PCDH15: variants seen among roughly 807,000 people sequenced by gnomAD.
PCDH15 encodes protocadherin-15.
A neutral mutation model predicts 178.5 loss-of-function variants in PCDH15; 129 were observed. The observed-to-expected ratio is 0.72, with a 90% CI of 0.63 to 0.84. PCDH15 has a LOEUF of 0.84. Ranked by LOEUF, PCDH15 falls within the 40% of genes least tolerant of loss-of-function variation. PCDH15 has a pLI of 0.00. For synonymous variants in PCDH15, 800 were observed against 732.0 expected, an observed-to-expected ratio of 1.09 and a Z score of -1.50; for missense variants, 2,230 against 2,099.9, an observed-to-expected ratio of 1.06 and a Z score of -1.21.
intron 6 of PCDH15, among the ~76,000 whole-genome samples, chr10:54,343,409 C>T (rs1398661861): frequency 6.6e-6 from 1 of 152,042 alleles, no homozygotes; most frequent in Admixed American, 6.6e-5. Flanking sequence ...TTGTAAGTTT[C>T]CTGAGGCCTT....
At chr10:55,342,712 T>C (rs1051548468) in intron 2 of PCDH15, among the ~76,000 whole-genome samples, 1 of 152,122 alleles carries the variant, frequency 6.6e-6, no homozygotes, top group Non-Finnish European at 1.5e-5. Flanking sequence ...TATGATGGAC[T>C]CCTTAACAAA....
intron 18 of PCDH15, among the ~76,000 whole-genome samples, chr10:54,048,334 T>G (rs2093697492): frequency 1.3e-5 from 2 of 152,174 alleles, no homozygotes; most frequent in Admixed American, 1.3e-4. Context: ...TTAGCAAATA[T>G]TTTCTCCCAT....
chr10:54,586,041 C>T (rs1431152724), intron 2 of PCDH15, among the ~76,000 whole-genome samples: 1 of 152,012 alleles, frequency 6.6e-6, no homozygotes, highest in Non-Finnish European at 1.5e-5. Flanking sequence ...AAATTACTCC[C>T]AGTATTTTCC....
chr10:54,851,146 T>G (rs941576548), intron 3 of PCDH15, among the ~76,000 whole-genome samples: 4 of 152,090 alleles, frequency 2.6e-5, no homozygotes, highest in African/African-American at 9.7e-5. Context: ...GGATCAAAAA[T>G]TAAGTAGGCC....
At chr10:55,168,652 T>C (rs1404907010) in intron 1 of PCDH15, among the ~76,000 whole-genome samples, 1 of 152,196 alleles carries the variant, frequency 6.6e-6, no homozygotes, top group African/African-American at 2.4e-5. Context: ...TCATTACACA[T>C]TTCATAAAAT....
chr10:53,853,352 G>T (rs1228618381), intron 28 of PCDH15, among the ~76,000 whole-genome samples: 1 of 151,946 alleles, frequency 6.6e-6, no homozygotes, highest in Non-Finnish European at 1.5e-5. Context: ...TTGTAACACT[G>T]GATTTGACAA....
At chr10:54,130,663 C>T (rs1172625470) in intron 15 of PCDH15, among the ~76,000 whole-genome samples, 4 of 152,234 alleles carry the variant, frequency 2.6e-5, no homozygotes, top group Admixed American at 2.0e-4. Flanking sequence ...TGAAAAGAAA[C>T]GACTTTGATC....
chr10:53,944,740 G>A (rs1337251267), intron 23 of PCDH15, among the ~76,000 whole-genome samples: 1 of 152,156 alleles, frequency 6.6e-6, no homozygotes, highest in Non-Finnish European at 1.5e-5. Flanking sequence ...CCAACTAGAT[G>A]GCCATTTTCC....
chr10:54,281,227 A>C (rs533154023), intron 8 of PCDH15, among the ~76,000 whole-genome samples: 1 of 152,082 alleles, frequency 6.6e-6, no homozygotes, highest in South Asian at 2.1e-4. Context: ...TTATCTTGGC[A>C]ACGAACTTAT....
intron 3 of PCDH15, among the ~76,000 whole-genome samples, chr10:54,397,649 A>AACATATATTCAC (rs1453517656): frequency 1.3e-5 from 2 of 152,060 alleles, no homozygotes; most frequent in Non-Finnish European, 2.9e-5. Context: ...ATATGTTTCC[A>AACATATATTCAC]ACAACATTGT....
At chr10:54,853,322 TAC>T (rs1401560628) in intron 3 of PCDH15, among the ~76,000 whole-genome samples, 25 of 108,912 alleles carry the variant, frequency 2.3e-4, no homozygotes, top group Admixed American at 1.3e-3. Flanking sequence ...TATATATACA[TAC>T]ACACACATAT....
chr10:54,529,570 C>T (rs1304953998), intron 2 of PCDH15, among the ~76,000 whole-genome samples: 1 of 152,048 alleles, frequency 6.6e-6, no homozygotes, highest in Non-Finnish European at 1.5e-5. Context: ...GAGAATTAAG[C>T]AACCTGTCCT....
rs575306103 is a variant in PCDH15, at chr10:55,343,445, A to G, written c.-155-176794T>C. On this transcript the variant is annotated intron_variant, in intron 2 of 5. Coordinates refer to the PCDH15 transcript ENST00000613346. ...TTCTATTCTCTGCCCTCTACCAAAT[A>G]TCTTTCTCTCTTTACTCAGGCTTCT... Among the ~76,000 whole-genome samples the G allele has an allele frequency of 8.5e-5, 13 of 152,164 alleles. No homozygotes were observed. The South Asian group carries it at 1.9e-3, about 22-fold the overall frequency.
rs544392338 is a variant in PCDH15 at position 54,643,786 on chromosome 10, T to G, written c.91+20386A>C. ...TCAGTTATTTTCTTTTTTTTTTTTT[T>G]GGCTTAGCTCTGGTTCATTTTTTTT... is the stretch of plus-strand genomic sequence containing the variant. On this transcript the variant is annotated intron_variant, in intron 2 of 37. Coordinates refer to ENST00000644397, the MANE Select transcript of PCDH15 (RefSeq NM_001384140.1). 5.0e-4 allele frequency among the ~76,000 whole-genome samples: 74 copies of G among 147,186 alleles called. 1 individual carries two copies. The East Asian group carries it at 0.014, about 27-fold the overall frequency.
chr10:54,467,837 A>T (rs922513868), intron 3 of PCDH15, among the ~76,000 whole-genome samples: 3 of 151,584 alleles, frequency 2.0e-5, no homozygotes, highest in African/African-American at 7.3e-5. Flanking sequence ...TGTTGATGTA[A>T]TCTTATTACT....
At chr10:55,366,587 A>C (rs902232159) in intron 2 of PCDH15, among the ~76,000 whole-genome samples, 1 of 152,164 alleles carries the variant, frequency 6.6e-6, no homozygotes, top group Non-Finnish European at 1.5e-5. Flanking sequence ...CTTATAAGCT[A>C]ACTATAGTAG....
intron 2 of PCDH15, among the ~76,000 whole-genome samples, chr10:55,385,483 C>G (rs1837632717): frequency 1.3e-5 from 2 of 151,578 alleles, no homozygotes; most frequent in South Asian, 4.2e-4. Context: ...CCATCAATAC[C>G]CAAAATCATT....
At chr10:53,815,421 TA>T (rs2076026704) in intron 35 of PCDH15, among the ~76,000 whole-genome samples, 1 of 152,194 alleles carries the variant, frequency 6.6e-6, no homozygotes, top group Non-Finnish European at 1.5e-5. Flanking sequence ...AGGTCTTGCA[TA>T]AAGTCATTGG....
intron 2 of PCDH15, among the ~76,000 whole-genome samples, chr10:54,899,728 G>A (rs960956310): frequency 5.3e-5 from 8 of 151,928 alleles, no homozygotes; most frequent in Non-Finnish European, 1.2e-4. Flanking sequence ...AACTTCTGAC[G>A]TTGTGATCCG....
Sources: allele counts gnomAD v4.1 joint callset (sites outside exome capture counted in the v4.1 genomes callset), GRCh38; gene constraint gnomAD v4.1.1; transcripts MANE v1.5; gene names NCBI Gene and HGNC (gene_info 2026-07-23, HGNC 2026-07-21).